The following HS3ST3B1 variants were observed in gnomAD, a reference collection of about 807,000 sequenced individuals.
The protein encoded by HS3ST3B1 is heparan sulfate glucosamine 3-O-sulfotransferase 3B1.
In HS3ST3B1, 13 loss-of-function variants were observed where a neutral mutation model predicts 21.3. The observed-to-expected ratio is 0.61, with a 90% confidence interval of 0.40 to 0.97. The LOEUF is 0.97. Among genes scored for constraint, HS3ST3B1 ranks in the 50% least tolerant of loss-of-function variants. The probability of loss-of-function intolerance (pLI) is 0.00; values close to 1 mark genes in which losing one functional copy is unlikely to be tolerated. For synonymous variants in HS3ST3B1, 234 were observed against 254.8 expected (o/e 0.92, Z 0.78); for missense variants, 459 against 554.8 (o/e 0.83, Z 1.73).
At chr17:14,313,420 C>T (rs1314249367) in intron 1 of HS3ST3B1, among the ~76,000 whole-genome samples, 1 of 152,060 alleles carries the variant, frequency 6.6e-6, no homozygotes, top group Non-Finnish European at 1.5e-5. Context: ...CTCTGCAGGA[C>T]CTCCTCTTGC....
intron 1 of HS3ST3B1, among the ~76,000 whole-genome samples, chr17:14,343,622 A>G (rs991145259): frequency 6.6e-6 from 1 of 152,208 alleles, no homozygotes. Context: ...TTCGCTTAGC[A>G]TAATGTCTTC....
In HS3ST3B1 at chr17:14,324,724, C is replaced by T. The variant is rs370793827; in HGVS notation, c.555-20304C>T. Among the ~76,000 whole-genome samples, 182 of 152,096 alleles carry T rather than the reference C, an allele frequency of 1.2e-3. 3 individuals carry two copies. The South Asian group carries it at 0.012, about 10-fold the overall frequency. On this transcript the variant is annotated intron_variant, in intron 1 of 1. Transcript: ENST00000360954. ...CACCTCCTGGGCTCAAGTGATCCTCCCGCTTCAGCCTCCTGAGTAGCTGGG... is the reference window on the plus strand; with the variant it reads ...CACCTCCTGGGCTCAAGTGATCCTCTCGCTTCAGCCTCCTGAGTAGCTGGG...
chr17:14,301,156 A>C lies in HS3ST3B1; in HGVS notation c.-363A>C. ...TCAGTTCTTAGGACTGCAAGGAGGC[A>C]GCCCCGGCGTGCGGCGGTGCGCACA... On this transcript the variant is annotated 5_prime_UTR_variant, in exon 1 of 2. Coordinates refer to ENST00000360954, the MANE Select transcript of HS3ST3B1 (RefSeq NM_006041.3). 1 of 252,408 alleles carries C rather than the reference A, an allele frequency of 4.0e-6. No individual in the cohort carries two copies. The highest frequency in any genetic ancestry group is 7.5e-6 in the Non-Finnish European group (1 of 134,154). 15.6% of individuals were successfully genotyped at this position (252,408 alleles called of 1,614,324 possible).
Position 14,345,580 on chromosome 17 carries a change from C to T in HS3ST3B1, c.1107C>T (p.Arg369=). 1.3e-6 allele frequency: 2 copies of T among 1,596,212 alleles called. No homozygotes were observed. Among genetic ancestry groups the T allele is most frequent in the Non-Finnish European group, 8.5e-7 (1 of 1,170,902 alleles). The change falls in exon 2 of 2, where the codon CGC becomes CGT. Residue 369 remains arginine, a synonymous_variant. Coordinates refer to ENST00000360954, the MANE Select transcript of HS3ST3B1 (RefSeq NM_006041.3). ...ACCGCGAGGTGGTGCGCAGGCTGCG[C>T]GAGTTCTACCGGCCTTTCAACCTCA... ...EIDREVVRRL[R]EFYRPFNLKF...
At chr17:14,337,555 C>G (rs1910225700) in intron 1 of HS3ST3B1, among the ~76,000 whole-genome samples, 1 of 149,030 alleles carries the variant, frequency 6.7e-6, no homozygotes, top group Admixed American at 6.7e-5. Context: ...CCAGGCTGGT[C>G]TTGAACTCCT....
rs192174474 is a variant in HS3ST3B1, at chr17:14,345,053, G to C, written c.580G>C (p.Gly194Arg). The stretch of plus-strand genomic sequence containing the variant: ...GGACCTGATGCCCAGAACCCTGGAC[G>C]GGCAGATCACCATGGAGAAGACGCC... ...YRDLMPRTLD[G>R]QITMEKTPSY... Residue 194 changes from glycine to arginine, a missense_variant, in exon 2 of 2, where the codon GGG (glycine) becomes CGG (arginine). Gly to Arg is a moderately radical substitution (Grantham distance 125). Around this residue, in one of 3 missense-constraint regions of HS3ST3B1, gnomAD observed 317 missense variants for 278.6 expected, o/e 1.14. Transcript: ENST00000360954. The C allele has an allele frequency of 5.6e-6, 9 of 1,598,268 alleles. No homozygotes were observed. Among genetic ancestry groups the C allele is most frequent in the South Asian group, 1.1e-5 (1 of 88,668 alleles).
At chr17:14,333,282 A>G in intron 1 of HS3ST3B1, among the ~76,000 whole-genome samples, 1 of 152,016 alleles carries the variant, frequency 6.6e-6, no homozygotes, top group Non-Finnish European at 1.5e-5. Context: ...CCTGGCCAAT[A>G]TGGTGAAACC....
chr17:14,301,651 T>A lies in HS3ST3B1; in HGVS notation c.133T>A (p.Tyr45Asn), dbSNP rs1312106072. 6.2e-7 allele frequency: 1 copy of A among 1,608,000 alleles called. No homozygotes were observed. The highest frequency in any genetic ancestry group is 8.5e-7 in the Non-Finnish European group (1 of 1,178,680). ...LLFAMLCVWLYMFLYSCAGSC... is the reference protein window; with the variant it reads ...LLFAMLCVWLNMFLYSCAGSC... ...CTTCGCCATGCTCTGCGTCTGGCTC[T>A]ATATGTTCCTGTACTCGTGCGCCGG... The change falls in exon 1 of 2, where the codon TAT (tyrosine) becomes AAT (asparagine). Residue 45 changes from tyrosine (Y) to asparagine (N), a missense_variant. Coordinates refer to ENST00000360954, the MANE Select transcript of HS3ST3B1 (RefSeq NM_006041.3).
At chr17:14,313,319 A>G (rs1478558285) in intron 1 of HS3ST3B1, among the ~76,000 whole-genome samples, 1 of 151,642 alleles carries the variant, frequency 6.6e-6, no homozygotes, top group South Asian at 2.1e-4. Flanking sequence ...TATGCGCTCC[A>G]CTGAGAACTT....
chr17:14,313,104 G>GTGTATATATATACATATATATATATA (rs1909369034), intron 1 of HS3ST3B1, among the ~76,000 whole-genome samples: 1 of 101,400 alleles, frequency 9.9e-6, no homozygotes, highest in Non-Finnish European at 1.9e-5. Flanking sequence ...GTGTGTGTGT[G>GTGTATATATATACATATATATATATA]TGTGTATATA....
intron 1 of HS3ST3B1, among the ~76,000 whole-genome samples, chr17:14,334,073 C>T (rs551068138): frequency 6.6e-6 from 1 of 152,122 alleles, no homozygotes; most frequent in African/African-American, 2.4e-5. Context: ...GGCTGAGAAC[C>T]TTTAAATATC....
At chr17:14,336,386 A>G (rs1357816309) in intron 1 of HS3ST3B1, among the ~76,000 whole-genome samples, 1 of 152,216 alleles carries the variant, frequency 6.6e-6, no homozygotes, top group Non-Finnish European at 1.5e-5. Flanking sequence ...TTAGGGCAAC[A>G]TTTGGTACTG....
chr17:14,338,402 A>G (rs879521582), intron 1 of HS3ST3B1, among the ~76,000 whole-genome samples: 5 of 151,656 alleles, frequency 3.3e-5, no homozygotes, highest in South Asian at 2.1e-4. Flanking sequence ...AGGATTACAG[A>G]TGTGAGCCAA....
At chr17:14,335,901 T>G (rs1597600792) in intron 1 of HS3ST3B1, among the ~76,000 whole-genome samples, 1 of 152,316 alleles carries the variant, frequency 6.6e-6, no homozygotes, top group East Asian at 1.9e-4. Flanking sequence ...ATAGTGGTGG[T>G]TACACAATTC....
intron 1 of HS3ST3B1, among the ~76,000 whole-genome samples, chr17:14,329,717 G>C (rs1251174536): frequency 6.6e-6 from 1 of 152,110 alleles, no homozygotes; most frequent in African/African-American, 2.4e-5. Context: ...CTAAGAAGGA[G>C]GGCACCAAAA....
chr17:14,313,111 T>TATATATATATATAC lies in HS3ST3B1; in HGVS notation c.554+11051_554+11052insACATATATATATAT, dbSNP rs1555548202. Among the ~76,000 whole-genome samples, 20 of 115,420 alleles carry TATATATATATATAC rather than the reference T, an allele frequency of 1.7e-4. 2 individuals are homozygous for TATATATATATATAC. In the East Asian group the frequency reaches 2.4e-3, roughly 14 times the overall value. 75.7% of individuals were successfully genotyped at this position (115,420 alleles called of 152,430 possible). A position where few individuals can be genotyped will look rare whatever the true frequency, so the allele number is the denominator to read the frequency against. ...TGTGTGTGGTGTGTGTGTGTGTGTATATATATATATATGTGTGTGTGTGTA... is the reference window on the plus strand; with the variant it reads ...TGTGTGTGGTGTGTGTGTGTGTGTATATATATATATATACATATATATATATGTGTGTGTGTGTA... On this transcript the variant is annotated intron_variant, in intron 1 of 1. Transcript: ENST00000360954.
chr17:14,343,241 CAAA>C (rs538774953), intron 1 of HS3ST3B1, among the ~76,000 whole-genome samples: 2 of 114,968 alleles, frequency 1.7e-5, no homozygotes, highest in Admixed American at 9.3e-5. Flanking sequence ...GACTCTGTCT[CAAA>C]AAAAAAAAAA....
intron 1 of HS3ST3B1, among the ~76,000 whole-genome samples, chr17:14,325,720 C>T (rs546873496): frequency 2.6e-4 from 39 of 152,256 alleles, no homozygotes; most frequent in Non-Finnish European, 5.3e-4. Context: ...AGTAGGCTCG[C>T]GGAGTTTATA....
chr17:14,337,456 T>C (rs1245132538), intron 1 of HS3ST3B1, among the ~76,000 whole-genome samples: 1 of 151,770 alleles, frequency 6.6e-6, no homozygotes, highest in Admixed American at 6.6e-5. Flanking sequence ...GCCTCCTGAA[T>C]AGCTGGAATT....
Sources: allele counts gnomAD v4.1 joint callset (sites outside exome capture counted in the v4.1 genomes callset), GRCh38; gene constraint gnomAD v4.1.1; regional missense constraint gnomAD v4.1.1; transcripts MANE v1.5; gene names NCBI Gene and HGNC (gene_info 2026-07-23, HGNC 2026-07-21).